The following LTBP2 variants were observed in gnomAD, a reference collection of about 807,000 sequenced individuals.
LTBP2 encodes latent-transforming growth factor beta-binding protein 2.
In LTBP2, 103 loss-of-function variants were observed where a neutral mutation model predicts 210.6. The observed-to-expected ratio is 0.49, with a 90% CI of 0.42 to 0.58. The LOEUF is 0.58. Ranked by LOEUF, LTBP2 falls within the 20% of genes least tolerant of loss-of-function variation. The pLI is 0.00. For synonymous variants in LTBP2, 1,007 were observed against 1,015.0 expected, an observed-to-expected ratio of 0.99 and a Z score of 0.15; for missense variants, 2,313 against 2,494.5, an observed-to-expected ratio of 0.93 and a Z score of 1.55.
intron 3 of LTBP2, among the ~76,000 whole-genome samples, chr14:74,568,476 C>T (rs1462115631): frequency 2.6e-5 from 4 of 151,924 alleles, no homozygotes; most frequent in Non-Finnish European, 4.4e-5. Context: ...CAAGCATAAA[C>T]GGACATATTC....
At chr14:74,606,287 C>A (rs774603781) in intron 1 of LTBP2, among the ~76,000 whole-genome samples, 1 of 152,246 alleles carries the variant, frequency 6.6e-6, no homozygotes, top group Non-Finnish European at 1.5e-5. Flanking sequence ...CTGGCCTCTA[C>A]AAGGCCCCCT....
intron 2 of LTBP2, among the ~76,000 whole-genome samples, chr14:74,595,153 G>T (rs1045331688): frequency 6.6e-6 from 1 of 152,272 alleles, no homozygotes; most frequent in Non-Finnish European, 1.5e-5. Flanking sequence ...TGGGTTTGGC[G>T]GCTGGAGGGG....
At chr14:74,566,638 G>A (rs1024908269) in intron 3 of LTBP2, among the ~76,000 whole-genome samples, 16 of 152,194 alleles carry the variant, frequency 1.1e-4, no homozygotes, top group South Asian at 4.1e-4. Flanking sequence ...CATGTTCAAC[G>A]GGCCCAGAGC....
In LTBP2 at chr14:74,525,194, C is replaced by A. The variant is rs2139714373; in HGVS notation, c.2460G>T (p.Gln820His). The change falls in exon 15 of 36, where the codon CAG becomes CAT. Residue 820 changes from glutamine (Q) to histidine (H), a missense_variant. Around this residue, in one of 3 missense-constraint regions of LTBP2, gnomAD observed 1,867 missense variants for 1,976.9 expected, o/e 0.94. Coordinates refer to ENST00000261978, the MANE Select transcript of LTBP2 (RefSeq NM_000428.3). ...GNATTPPMPEQGIAEIQEEQV... is the reference protein window; with the variant it reads ...GNATTPPMPEHGIAEIQEEQV... Reference sequence around the variant, plus strand: ...GTTCTTCCTGTATCTCTGCAATCCCCTGTTCAGGCATTGGTGGGGTTGTGG... The same window carrying A: ...GTTCTTCCTGTATCTCTGCAATCCCATGTTCAGGCATTGGTGGGGTTGTGG... 7.5e-7 allele frequency: 1 copy of A among 1,331,994 alleles called. No homozygotes were observed. Among genetic ancestry groups the A allele is most frequent in the Admixed American group, 3.0e-5 (1 of 33,684 alleles). 82.5% of individuals were successfully genotyped at this position (1,331,994 alleles called of 1,614,324 possible). A position where few individuals can be genotyped will look rare whatever the true frequency, so the allele number is the denominator to read the frequency against.
chr14:74,509,016 G>A lies in LTBP2; in HGVS notation c.3404-64C>T, dbSNP rs1352265286. On this transcript the variant is annotated intron_variant, in intron 22 of 35. Transcript: ENST00000261978. ...GCACCTCCCAAGGACAGGAGTCAAGGGGGAAGTCTCCAGAGGACCTGTCAC... is the reference window on the plus strand; with the variant it reads ...GCACCTCCCAAGGACAGGAGTCAAGAGGGAAGTCTCCAGAGGACCTGTCAC... 3.7e-6 allele frequency: 6 copies of A among 1,605,414 alleles called. No individual in the cohort carries two copies. In the African/African-American group the frequency reaches 6.7e-5, roughly 18 times the overall value.
intron 3 of LTBP2, among the ~76,000 whole-genome samples, chr14:74,557,895 A>G (rs1240009897): frequency 3.9e-5 from 6 of 152,106 alleles, no homozygotes; most frequent in African/African-American, 1.4e-4. Flanking sequence ...ACCAGCCCAG[A>G]CCCCAGTGGG....
At chr14:74,506,565 C>A in intron 27 of LTBP2, 133 bp downstream of exon 27, 2 of 1,436,212 alleles carry the variant, frequency 1.4e-6, no homozygotes, top group Non-Finnish European at 1.9e-6. Flanking sequence ...AAGTCTCCCT[C>A]TTCTTTGAAG....
At chr14:74,565,902 T>G (rs2087896259) in intron 3 of LTBP2, among the ~76,000 whole-genome samples, 1 of 152,170 alleles carries the variant, frequency 6.6e-6, no homozygotes, top group Non-Finnish European at 1.5e-5. Flanking sequence ...CTTGCTCCCA[T>G]AAATTCTTCT....
rs75420848 is a variant in LTBP2 at position 74,507,098 on chromosome 14, G to C, written c.3907+81C>G. 5 of 1,609,980 alleles carry C rather than the reference G, an allele frequency of 3.1e-6. No individual in the cohort carries two copies. In the African/African-American group the frequency reaches 5.3e-5, roughly 17 times the overall value. On this transcript the variant is annotated intron_variant, in intron 26 of 35. Coordinates refer to ENST00000261978, the MANE Select transcript of LTBP2 (RefSeq NM_000428.3). ...TCAGCTGCAAAAAATCGTGTCCTCA[G>C]GAGAAAATCATGTCTCGCTCAATAT...
rs1322519029 is a variant in LTBP2 at position 74,510,218 on chromosome 14, G to A, written c.3029-5C>T. ...GAGTCAGACACTCATTCACATCTGT[G>A]GGAGAGAAGTCCAAGACGGTGGGCT... On this transcript the variant is annotated splice_polypyrimidine_tract_variant and splice_region_variant and intron_variant, in intron 19 of 35. Transcript: ENST00000261978. The A allele has an allele frequency of 1.2e-6, 2 of 1,613,282 alleles. No individual in the cohort carries two copies. Among genetic ancestry groups the A allele is most frequent in the Non-Finnish European group, 1.7e-6 (2 of 1,179,968 alleles).
rs146587635 is a variant in LTBP2 at position 74,504,011 on chromosome 14, G to A, written c.4497C>T (p.Asn1499=). Residue 1499 remains asparagine (N), a synonymous_variant, in exon 31 of 36, where the codon AAC becomes AAT. Transcript: ENST00000261978. ...CAGGCACGGTGTTGAGGCACCGGCC[G>A]TTCGGGCAGAGACCAGGCCCGAATA... ...CVIFGPGLCP[N]GRCLNTVPGY... is the part of the protein sequence containing the mutation. 53 of 1,613,934 alleles carry A rather than the reference G, an allele frequency of 3.3e-5. No homozygotes were observed. The highest frequency in any genetic ancestry group is 1.6e-4 in the Middle Eastern group (1 of 6,084).
At chr14:74,532,190 G>A (rs1002837358) in intron 10 of LTBP2, among the ~76,000 whole-genome samples, 10 of 152,186 alleles carry the variant, frequency 6.6e-5, no homozygotes, top group African/African-American at 2.2e-4. Context: ...AACTGCAAAG[G>A]CCCGGAAAAA....
intron 1 of LTBP2, among the ~76,000 whole-genome samples, chr14:74,605,570 CT>C (rs1016686213): frequency 1.1e-4 from 17 of 152,206 alleles, no homozygotes; most frequent in Admixed American, 2.0e-4. Flanking sequence ...GTGACAAGAC[CT>C]CTCGTGGGGC....
At position 74,508,605 on chromosome 14, in the gene LTBP2, C is replaced by G. The variant is rs2087022711; in HGVS notation, c.3651G>C (p.Gln1217His). ...FVSAEGGTSC[Q>H]DVDECATTDP... Reference sequence around the variant, plus strand: ...GAGGTAGCTGTGCTGGCTTCTCACCCTGGCAGCTGGTGCCCCCCTCTGCGC... The same window carrying G: ...GAGGTAGCTGTGCTGGCTTCTCACCGTGGCAGCTGGTGCCCCCCTCTGCGC... Residue 1217 changes from glutamine (Q) to histidine (H), a missense_variant and splice_region_variant, in exon 24 of 36, where the codon CAG (glutamine) becomes CAC (histidine). This residue lies in a region of LTBP2 where 1,867 missense variants were observed against 1,976.9 expected (regional missense o/e 0.94). Coordinates refer to ENST00000261978, the MANE Select transcript of LTBP2 (RefSeq NM_000428.3). 1.9e-6 allele frequency: 3 copies of G among 1,606,436 alleles called. No individual in the cohort carries two copies. Among genetic ancestry groups the G allele is most frequent in the Non-Finnish European group, 2.5e-6 (3 of 1,179,656 alleles).
chr14:74,555,473 C>A (rs568210182), intron 4 of LTBP2, 30 bp downstream of exon 4: 1 of 1,611,728 alleles, frequency 6.2e-7, no homozygotes, highest in South Asian at 1.1e-5. Flanking sequence ...AGGCCCTGCT[C>A]TTCTAGGACC....
In LTBP2 at chr14:74,552,397, C is replaced by T. The variant is rs745586782; in HGVS notation, c.1193-4G>A. 2 of 1,603,416 alleles carry T rather than the reference C, an allele frequency of 1.2e-6. No individual in the cohort carries two copies. The highest frequency in any genetic ancestry group is 2.2e-5 in the East Asian group (1 of 44,880). ...AGGCAGGGGATCTGGCAGAAATCTG[C>T]AACATCAACCCTCAAGGTAACCAGC... On this transcript the variant is annotated splice_region_variant and splice_polypyrimidine_tract_variant and intron_variant, in intron 5 of 35. Coordinates refer to ENST00000261978, the MANE Select transcript of LTBP2 (RefSeq NM_000428.3).
Position 74,506,762 on chromosome 14 carries a change from A to G in LTBP2, c.3969T>C (p.Asp1323=). 1.2e-6 allele frequency: 2 copies of G among 1,614,038 alleles called. No homozygotes were observed. Among genetic ancestry groups the G allele is most frequent in the Non-Finnish European group, 1.7e-6 (2 of 1,180,034 alleles). The change falls in exon 27 of 36, where the codon GAT becomes GAC. Residue 1323 remains aspartate, a synonymous_variant. Transcript: ENST00000261978. Reference sequence around the variant, plus strand: ...GGTCACAGAGGCAGCGGAAGGAGCCATCAGTGTTGTCACAGAAGCCGTGGC... The same window carrying G: ...GGTCACAGAGGCAGCGGAAGGAGCCGTCAGTGTTGTCACAGAAGCCGTGGC... ...CGSHGFCDNT[D]GSFRCLCDQG...
chr14:74,549,461 G>A (rs2087620161), intron 8 of LTBP2, among the ~76,000 whole-genome samples: 1 of 152,220 alleles, frequency 6.6e-6, no homozygotes, highest in South Asian at 2.1e-4. Context: ...GCTGGAACAG[G>A]AGGTAAGGAG....
intron 2 of LTBP2, among the ~76,000 whole-genome samples, chr14:74,594,206 C>T (rs1184366093): frequency 6.6e-6 from 1 of 152,150 alleles, no homozygotes; most frequent in African/African-American, 2.4e-5. Context: ...AGGCCCCTCC[C>T]CACTGCCACC....
Sources: allele counts gnomAD v4.1 joint callset (sites outside exome capture counted in the v4.1 genomes callset), GRCh38; gene constraint gnomAD v4.1.1; regional missense constraint gnomAD v4.1.1; transcripts MANE v1.5; gene names NCBI Gene and HGNC (gene_info 2026-07-23, HGNC 2026-07-21).